The following ACKR2 variants were observed in gnomAD, a reference collection of about 807,000 sequenced individuals.
ACKR2 encodes the protein C-C chemokine receptor D6.
For missense variants in ACKR2, 457 were observed against 477.3 expected, an observed-to-expected ratio of 0.96 and a Z score of 0.40; for synonymous variants, 207 against 192.2, an observed-to-expected ratio of 1.08 and a Z score of -0.64.
At chr3:42,834,288 C>A (rs898868448) in intron 2 of ACKR2, among the ~76,000 whole-genome samples, 5 of 152,146 alleles carry the variant, frequency 3.3e-5, no homozygotes, top group African/African-American at 1.2e-4. Flanking sequence ...CTATGGTGAT[C>A]TGTGATCAAT....
At chr3:42,823,007 A>G (rs1700824763) in intron 2 of ACKR2, among the ~76,000 whole-genome samples, 1 of 151,820 alleles carries the variant, frequency 6.6e-6, no homozygotes, top group African/African-American at 2.4e-5. Flanking sequence ...TGAGTCAATC[A>G]TTACGCTCAC....
At chr3:42,815,612 TA>T (rs1468244185) in intron 1 of ACKR2, among the ~76,000 whole-genome samples, 1 of 152,238 alleles carries the variant, frequency 6.6e-6, no homozygotes, top group Non-Finnish European at 1.5e-5. Flanking sequence ...AGCTTTTAAG[TA>T]AACAAAAAAT....
In ACKR2 at chr3:42,864,693, A is replaced by G. The variant is rs2088415488; in HGVS notation, c.191A>G (p.Asn64Ser). Residue 64 changes from asparagine to serine, a missense_variant, in exon 3 of 3, where the codon AAC becomes AGC. Transcript: ENST00000422265. The part of the protein sequence containing the change: ...SLIFVLGLSG[N>S]LLLLMVLLRY... ...ATTTTTGTGTTGGGCCTCAGCGGGA[A>G]CCTCCTTCTTCTCATGGTCTTGCTC... 6.2e-7 allele frequency: 1 copy of G among 1,613,388 alleles called. No homozygotes were observed. The highest frequency in any genetic ancestry group is 8.5e-7 in the Non-Finnish European group (1 of 1,179,788).
chr3:42,823,071 C>T (rs1266410200), intron 2 of ACKR2, among the ~76,000 whole-genome samples: 1 of 152,186 alleles, frequency 6.6e-6, no homozygotes, highest in African/African-American at 2.4e-5. Context: ...TGGTTCTAGG[C>T]TAAGCCCCAT....
At chr3:42,858,108 T>C (rs1336834697) in intron 2 of ACKR2, among the ~76,000 whole-genome samples, 1 of 152,208 alleles carries the variant, frequency 6.6e-6, no homozygotes, top group Non-Finnish European at 1.5e-5. Flanking sequence ...TTGGCAGACT[T>C]AAATGTTCCT....
chr3:42,829,502 G>C (rs1700907075), intron 2 of ACKR2, among the ~76,000 whole-genome samples: 1 of 152,160 alleles, frequency 6.6e-6, no homozygotes, highest in Admixed American at 6.5e-5. Context: ...TTCCTACCAG[G>C]AGATCAGGCC....
At position 42,865,300 on chromosome 3, in the gene ACKR2, C is replaced by T. The variant is rs748837237; in HGVS notation, c.798C>T (p.Tyr266=). The T allele has an allele frequency of 6.2e-7, 1 of 1,614,104 alleles. No homozygotes were observed. Among genetic ancestry groups the T allele is most frequent in the Non-Finnish European group, 8.5e-7 (1 of 1,180,050 alleles). ...VVAFFVLWFP[Y]NLTLFLHTLL... is the part of the protein sequence containing the mutation. ...CCTTCTTCGTGCTATGGTTCCCATA[C>T]AATCTCACCTTGTTTCTGCATACGC... The change falls in exon 3 of 3, where the codon TAC becomes TAT. Residue 266 remains tyrosine (Y), a synonymous_variant. Transcript: ENST00000422265.
intron 1 of ACKR2, 30 bp from the exon 2 acceptor site, chr3:42,819,601 C>G (rs1035292608): frequency 2.0e-5 from 3 of 152,422 alleles, no homozygotes; most frequent in Admixed American, 2.0e-4. Context: ...GGCAGAACCT[C>G]TATTGTGTCC....
At chr3:42,811,561 C>T (rs1700695277) in intron 1 of ACKR2, among the ~76,000 whole-genome samples, 1 of 152,172 alleles carries the variant, frequency 6.6e-6, no homozygotes, top group Admixed American at 6.5e-5. Flanking sequence ...TGAGATATGG[C>T]CTTGTGGGAA....
At chr3:42,825,490 A>G (rs1700852962) in intron 2 of ACKR2, among the ~76,000 whole-genome samples, 1 of 151,276 alleles carries the variant, frequency 6.6e-6, no homozygotes, top group Non-Finnish European at 1.5e-5. Flanking sequence ...TAGTTTTCTT[A>G]ATTTCTTTTT....
intron 2 of ACKR2, among the ~76,000 whole-genome samples, chr3:42,840,133 G>A (rs911309202): frequency 2.6e-5 from 4 of 151,796 alleles, no homozygotes; most frequent in South Asian, 2.1e-4. Flanking sequence ...GGTAGCTGGC[G>A]CCTGTAGTCC....
At chr3:42,850,538 T>G (rs1433373458) in intron 2 of ACKR2, among the ~76,000 whole-genome samples, 1 of 152,108 alleles carries the variant, frequency 6.6e-6, no homozygotes, top group Non-Finnish European at 1.5e-5. Context: ...CAACAGGCAT[T>G]CACCAAGCAC....
At chr3:42,858,981 G>C (rs900704888) in intron 2 of ACKR2, among the ~76,000 whole-genome samples, 6 of 152,062 alleles carry the variant, frequency 3.9e-5, no homozygotes, top group African/African-American at 1.4e-4. Flanking sequence ...AGAGAAAAAA[G>C]AATATAAAGG....
chr3:42,819,130 TG>T (rs772657960), intron 1 of ACKR2, among the ~76,000 whole-genome samples: 4 of 152,178 alleles, frequency 2.6e-5, no homozygotes, highest in Non-Finnish European at 5.9e-5. Flanking sequence ...CTTAAAAGTC[TG>T]TATAACTTTA....
At chr3:42,810,983 G>A (rs943800416) in intron 1 of ACKR2, among the ~76,000 whole-genome samples, 6 of 152,142 alleles carry the variant, frequency 3.9e-5, no homozygotes, top group African/African-American at 7.2e-5. Context: ...GTGAGTAGCC[G>A]GGATTACAGG....
chr3:42,824,432 C>T, intron 2 of ACKR2, among the ~76,000 whole-genome samples: 1 of 152,146 alleles, frequency 6.6e-6, no homozygotes, highest in East Asian at 1.9e-4. Context: ...CAAAGTTGCA[C>T]ACTCATCACA....
In ACKR2 at chr3:42,840,718, C is replaced by T. The variant is rs192031415; in HGVS notation, c.-38+21007C>T. Reference sequence around the variant, plus strand: ...TTTGTTTTTTGTTGAGACGGAGTCTCGCTCTGTCGCCCAGGCTGGAGTGCA... The same window carrying T: ...TTTGTTTTTTGTTGAGACGGAGTCTTGCTCTGTCGCCCAGGCTGGAGTGCA... On this transcript the variant is annotated intron_variant, in intron 2 of 2. Coordinates refer to ENST00000422265, the MANE Select transcript of ACKR2 (RefSeq NM_001296.5). 3.5e-4 allele frequency among the ~76,000 whole-genome samples: 53 copies of T among 152,284 alleles called. No individual in the cohort carries two copies. In the East Asian group the frequency reaches 6.4e-3, roughly 18 times the overall value.
chr3:42,828,649 C>T (rs990595945), intron 2 of ACKR2, among the ~76,000 whole-genome samples: 17 of 152,228 alleles, frequency 1.1e-4, no homozygotes, highest in East Asian at 5.8e-4. Context: ...AGATTTGGAG[C>T]GGCGAATTTA....
chr3:42,849,965 G>T (rs1350367407), intron 2 of ACKR2, among the ~76,000 whole-genome samples: 1 of 152,152 alleles, frequency 6.6e-6, no homozygotes, highest in African/African-American at 2.4e-5. Flanking sequence ...ATTAGGGGAA[G>T]CTGGCAGACA....
Sources: allele counts gnomAD v4.1 joint callset (sites outside exome capture counted in the v4.1 genomes callset), GRCh38; gene constraint gnomAD v4.1.1; transcripts MANE v1.5; gene names NCBI Gene and HGNC (gene_info 2026-07-23, HGNC 2026-07-21).